RGS22: variants seen among roughly 807,000 people sequenced by gnomAD.
RGS22 encodes the protein regulator of G protein signaling 22, also known as regulator of G-protein signaling 22.
Under a neutral mutation model 172.9 loss-of-function variants are expected in RGS22, and 148 were observed. The ratio of observed to expected loss-of-function variants is 0.86; its 90% confidence interval spans 0.75 to 0.98. The LOEUF (loss-of-function observed/expected upper bound fraction) is 0.98. Ranked by LOEUF, RGS22 falls within the 50% of genes least tolerant of loss-of-function variation. The pLI is 0.00. For missense variants in RGS22, 1,347 were observed against 1,440.8 expected (o/e 0.93, Z 1.05); for synonymous variants, 458 against 480.2 (o/e 0.95, Z 0.60).
chr8:100,096,671 A>ATT (rs74275402), intron 2 of RGS22, among the ~76,000 whole-genome samples: 1 of 138,078 alleles, frequency 7.2e-6, no homozygotes, highest in Non-Finnish European at 1.5e-5. Context: ...TTTAAAAAAA[A>ATT]TTTTTTTTTT....
chr8:100,096,583 C>T (rs1812984196), intron 2 of RGS22, among the ~76,000 whole-genome samples: 1 of 148,238 alleles, frequency 6.7e-6, no homozygotes, highest in Non-Finnish European at 1.5e-5. Context: ...TATTTTGCTG[C>T]ACCTTCAAAT....
At chr8:100,019,871 C>T (rs1817411146) in intron 14 of RGS22, among the ~76,000 whole-genome samples, 1 of 150,618 alleles carries the variant, frequency 6.6e-6, no homozygotes, top group Non-Finnish European at 1.5e-5. Flanking sequence ...AAACCATCTG[C>T]TGTTGCAAAA....
In RGS22 at chr8:100,041,905, A is replaced by G. The variant is rs777452451; in HGVS notation, c.1835T>C (p.Met612Thr). 1.5e-5 allele frequency: 24 copies of G among 1,605,368 alleles called. No homozygotes were observed. The highest frequency in any genetic ancestry group is 2.7e-5 in the African/African-American group (2 of 74,708). The change falls in exon 12 of 28, where the codon ATG becomes ACG. Residue 612 changes from methionine (M) to threonine (T), a missense_variant. Met to Thr is a moderately conservative substitution (Grantham distance 81, BLOSUM62 -1). Coordinates refer to ENST00000360863, the MANE Select transcript of RGS22 (RefSeq NM_015668.5). Reference sequence around the variant, plus strand: ...ATGAATGACTTTGCTGCTTTCTGACATGTACTTTGACCTAAATTATAAGGA... The same window carrying G: ...ATGAATGACTTTGCTGCTTTCTGACGTGTACTTTGACCTAAATTATAAGGA... ...DDVIEKGSKY[M>T]SESSKVIHLT... is the part of the protein sequence containing the mutation.
chr8:99,988,060 T>C (rs56886872), intron 20 of RGS22, among the ~76,000 whole-genome samples: 5,598 of 151,392 alleles, frequency 0.037, 340 homozygotes, highest in African/African-American at 0.13. Context: ...CATTTAATAT[T>C]TCTCATTTTT....
chr8:99,987,740 A>T (rs564847907), intron 20 of RGS22, 121 bp from the exon 21 acceptor site: 1 of 567,394 alleles, frequency 1.8e-6, no homozygotes, highest in African/African-American at 1.9e-5. Context: ...ATTTCACAAC[A>T]TTTTCACCTA....
intron 14 of RGS22, among the ~76,000 whole-genome samples, chr8:100,011,353 T>A (rs560692657): frequency 3.9e-5 from 6 of 152,316 alleles, no homozygotes; most frequent in African/African-American, 1.2e-4. Context: ...AGAAATTATA[T>A]GCCACCTTCA....
intron 23 of RGS22, among the ~76,000 whole-genome samples, chr8:99,967,586 C>T (rs1014992079): frequency 6.6e-6 from 1 of 152,184 alleles, no homozygotes; most frequent in Non-Finnish European, 1.5e-5. Flanking sequence ...GTAGGCAGTT[C>T]TCCCCTCACA....
intron 14 of RGS22, among the ~76,000 whole-genome samples, chr8:100,015,433 C>T (rs1412116580): frequency 1.3e-5 from 2 of 152,092 alleles, no homozygotes; most frequent in African/African-American, 4.8e-5. Flanking sequence ...GCTGGGACCA[C>T]AGGCATTCAC....
intron 6 of RGS22, 55 bp from the exon 7 acceptor site, chr8:100,066,351 C>G: frequency 7.0e-7 from 1 of 1,426,936 alleles, no homozygotes; most frequent in Non-Finnish European, 9.7e-7. Flanking sequence ...TTACTCTGAT[C>G]ACAAACCTGG....
intron 21 of RGS22, among the ~76,000 whole-genome samples, chr8:99,987,100 G>A (rs954266238): frequency 1.3e-5 from 2 of 152,046 alleles, no homozygotes; most frequent in Non-Finnish European, 2.9e-5. Flanking sequence ...CCTACTGGTT[G>A]AGCATTCCAA....
At chr8:100,018,814 A>G (rs1817293288) in intron 14 of RGS22, among the ~76,000 whole-genome samples, 1 of 152,184 alleles carries the variant, frequency 6.6e-6, no homozygotes, top group Non-Finnish European at 1.5e-5. Flanking sequence ...TGTGTTTATA[A>G]GCATATTCTT....
At chr8:100,105,013 A>T (rs1396568124) in intron 2 of RGS22, among the ~76,000 whole-genome samples, 1 of 152,242 alleles carries the variant, frequency 6.6e-6, no homozygotes, top group Non-Finnish European at 1.5e-5. Flanking sequence ...TTATCCATCA[A>T]CGCCATTTAC....
chr8:99,964,105 G>A (rs372757476), intron 24 of RGS22, among the ~76,000 whole-genome samples: 2 of 151,826 alleles, frequency 1.3e-5, no homozygotes, highest in African/African-American at 4.8e-5. Context: ...TAAGGTAAGA[G>A]GCTCAAAGGA....
chr8:100,063,928 T>C lies in RGS22; in HGVS notation c.840A>G (p.Val280=), dbSNP rs1309503477. 2.8e-5 allele frequency: 44 copies of C among 1,595,116 alleles called. No homozygotes were observed. The highest frequency in any genetic ancestry group is 3.7e-5 in the Non-Finnish European group (43 of 1,170,986). Residue 280 remains valine, a synonymous_variant, in exon 8 of 28, where the codon GTA becomes GTG. Coordinates refer to ENST00000360863, the MANE Select transcript of RGS22 (RefSeq NM_015668.5). ...CTTGAGAAGGAGTGTCTTGTAGAGA[T>C]ACAGACACCTCTTCTTCTTCTCCTT... ...EEEGEEEEVS[V]SLQDTPSQAL... is the part of the protein sequence containing the mutation.
intron 14 of RGS22, among the ~76,000 whole-genome samples, chr8:100,027,919 T>A (rs1460346455): frequency 6.6e-6 from 1 of 152,210 alleles, no homozygotes; most frequent in Non-Finnish European, 1.5e-5. Flanking sequence ...TACTGTTTAT[T>A]CCATTGAGTG....
chr8:99,980,542 A>G, intron 22 of RGS22, among the ~76,000 whole-genome samples: 1 of 152,220 alleles, frequency 6.6e-6, no homozygotes, highest in East Asian at 1.9e-4. Context: ...GGTAGGAGGC[A>G]ATGCCATTCT....
At chr8:99,978,962 T>C (rs1812262355) in intron 22 of RGS22, among the ~76,000 whole-genome samples, 1 of 152,224 alleles carries the variant, frequency 6.6e-6, no homozygotes, top group African/African-American at 2.4e-5. Context: ...CGTATTTCAT[T>C]ACTCCTCTTT....
intron 14 of RGS22, among the ~76,000 whole-genome samples, chr8:100,017,038 C>T (rs955492325): frequency 1.6e-5 from 2 of 127,308 alleles, no homozygotes; most frequent in African/African-American, 6.0e-5. Flanking sequence ...TGCTCTGTCA[C>T]CCACGCTGAA....
At chr8:100,078,494 T>C (rs189234181) in intron 4 of RGS22, among the ~76,000 whole-genome samples, 4 of 151,704 alleles carry the variant, frequency 2.6e-5, no homozygotes, top group Admixed American at 1.3e-4. Context: ...AAATCACTAC[T>C]ACCATTTTCC....
Sources: gnomAD v4.1 joint callset for allele counts (sites outside exome capture counted in the v4.1 genomes callset) on GRCh38, gnomAD v4.1.1 for gene constraint, MANE v1.5 for transcripts, NCBI Gene and HGNC (gene_info 2026-07-23, HGNC 2026-07-21) for gene names.